Variants in PTPRD observed in about 807,000 individuals in gnomAD.
PTPRD encodes the protein protein tyrosine phosphatase receptor type D, also known as receptor-type tyrosine-protein phosphatase delta.
Under a neutral mutation model 214.5 loss-of-function variants are expected in PTPRD, and 34 were observed. The observed-to-expected ratio is 0.16, with a 90% CI of 0.12 to 0.21. The LOEUF (loss-of-function observed/expected upper bound fraction) is 0.21. PTPRD is among the 10% of genes least tolerant of loss of function. PTPRD has a pLI of 1.00. For synonymous variants in PTPRD, 1,128 were observed against 845.7 expected, an observed-to-expected ratio of 1.33 and a Z score of -5.79; for missense variants, 2,545 against 2,398.7, an observed-to-expected ratio of 1.06 and a Z score of -1.27.
intron 14 of PTPRD, among the ~76,000 whole-genome samples, chr9:8,626,359 T>C (rs944911915): frequency 3.9e-5 from 6 of 151,982 alleles, no homozygotes; most frequent in Admixed American, 2.0e-4. Context: ...TTCTCACTTA[T>C]TAGGTTTATC....
intron 4 of PTPRD, among the ~76,000 whole-genome samples, chr9:9,949,982 T>C (rs905302191): frequency 6.6e-6 from 1 of 152,230 alleles, no homozygotes; most frequent in Non-Finnish European, 1.5e-5. Context: ...TTTTTGTTTC[T>C]GCAACCAAGC....
At chr9:10,149,377 T>C (rs2099045196) in intron 3 of PTPRD, among the ~76,000 whole-genome samples, 1 of 152,238 alleles carries the variant, frequency 6.6e-6, no homozygotes, top group Admixed American at 6.5e-5. Context: ...AAAAAGTTTT[T>C]AAAACTTGAT....
At chr9:9,209,138 C>A (rs2099946939) in intron 9 of PTPRD, among the ~76,000 whole-genome samples, 2 of 152,072 alleles carry the variant, frequency 1.3e-5, no homozygotes, top group Admixed American at 1.3e-4. Context: ...AATATACTCC[C>A]ACCAATGATG....
intron 3 of PTPRD, among the ~76,000 whole-genome samples, chr9:10,314,028 G>C (rs1172157448): frequency 1.3e-5 from 2 of 151,908 alleles, no homozygotes; most frequent in Non-Finnish European, 2.9e-5. Flanking sequence ...TACAGGAGTG[G>C]TAACAGAAGC....
At chr9:10,230,838 T>C (rs1008828325) in intron 3 of PTPRD, among the ~76,000 whole-genome samples, 5 of 152,022 alleles carry the variant, frequency 3.3e-5, no homozygotes, top group African/African-American at 7.2e-5. Context: ...CTTATTTGCA[T>C]CGGTTGTGGA....
intron 12 of PTPRD, among the ~76,000 whole-genome samples, chr9:8,694,371 A>G (rs985367423): frequency 2.6e-4 from 40 of 152,296 alleles, no homozygotes; most frequent in African/African-American, 8.7e-4. Flanking sequence ...CTCTAACCCC[A>G]AAACAAATGC....
chr9:8,599,418 A>G (rs897594950), intron 14 of PTPRD, among the ~76,000 whole-genome samples: 1 of 152,182 alleles, frequency 6.6e-6, no homozygotes, highest in Admixed American at 6.5e-5. Context: ...TCATTGAAGC[A>G]TCAGTTACCT....
chr9:10,211,315 G>A (rs1423147482), intron 3 of PTPRD, among the ~76,000 whole-genome samples: 1 of 152,084 alleles, frequency 6.6e-6, no homozygotes, highest in African/African-American at 2.4e-5. Context: ...ATCTTCAAGG[G>A]CAAATGCGTC....
chr9:10,538,975 G>T (rs529893037), intron 2 of PTPRD, among the ~76,000 whole-genome samples: 2 of 152,072 alleles, frequency 1.3e-5, no homozygotes, highest in East Asian at 1.9e-4. Context: ...ACCAGCCTGT[G>T]CCTGGAGGAC....
chr9:9,329,645 A>G (rs547842400), intron 9 of PTPRD, among the ~76,000 whole-genome samples: 2 of 152,314 alleles, frequency 1.3e-5, no homozygotes, highest in East Asian at 1.9e-4. Flanking sequence ...GGAGGGAGCT[A>G]GAGAGAATAT....
At chr9:10,012,622 A>G (rs1042717666) in intron 4 of PTPRD, among the ~76,000 whole-genome samples, 1 of 151,934 alleles carries the variant, frequency 6.6e-6, no homozygotes, top group Non-Finnish European at 1.5e-5. Flanking sequence ...TTTACTCACT[A>G]TTTCGTTACC....
At chr9:10,408,524 T>C (rs143693810) in intron 2 of PTPRD, among the ~76,000 whole-genome samples, 124 of 151,808 alleles carry the variant, frequency 8.2e-4, no homozygotes, top group African/African-American at 2.8e-3. Flanking sequence ...AGAAAGCTGG[T>C]ATTTTTTAGG....
intron 8 of PTPRD, among the ~76,000 whole-genome samples, chr9:9,524,501 A>T (rs2073546168): frequency 1.3e-5 from 2 of 152,218 alleles, no homozygotes; most frequent in South Asian, 4.1e-4. Flanking sequence ...AAACTGTAGA[A>T]AAGTCCCATA....
intron 39 of PTPRD, among the ~76,000 whole-genome samples, chr9:8,361,736 G>C (rs2078542199): frequency 6.6e-6 from 1 of 152,188 alleles, no homozygotes; most frequent in Middle Eastern, 3.2e-3. Context: ...TGTGATGCGT[G>C]CTTGGGGGTT....
At chr9:9,978,755 A>T (rs931323356) in intron 4 of PTPRD, among the ~76,000 whole-genome samples, 5 of 152,038 alleles carry the variant, frequency 3.3e-5, no homozygotes, top group Non-Finnish European at 7.4e-5. Context: ...AAAAACCAAT[A>T]AGCAGAATAA....
Position 10,043,450 on chromosome 9 carries a change from G to T in PTPRD, c.-544-9660C>A, listed in dbSNP as rs183535254. ...AAAACAAAGGCTGGCTATTACTCCT[G>T]GTAAAGGAGTAAAATCCTATAGCTT... On this transcript the variant is annotated intron_variant, in intron 3 of 45. Coordinates refer to ENST00000381196, the MANE Select transcript of PTPRD (RefSeq NM_002839.4). 5.3e-5 allele frequency among the ~76,000 whole-genome samples: 8 copies of T among 151,798 alleles called. No homozygotes were observed. In the East Asian group the frequency reaches 1.6e-3, roughly 29 times the overall value.
At chr9:9,371,787 T>C (rs890955602) in intron 9 of PTPRD, among the ~76,000 whole-genome samples, 2 of 152,156 alleles carry the variant, frequency 1.3e-5, no homozygotes, top group African/African-American at 2.4e-5. Flanking sequence ...GCTTTGAATG[T>C]GTCCCAGAGA....
In PTPRD at chr9:9,981,786, A is replaced by G. The variant is rs563271220; in HGVS notation, c.-471-43176T>C. Among the ~76,000 whole-genome samples, 3 of 152,134 alleles carry G rather than the reference A, an allele frequency of 2.0e-5. No individual in the cohort carries two copies. In the South Asian group the frequency reaches 6.2e-4, roughly 32 times the overall value. Reference sequence around the variant, plus strand: ...AAAGGCGCTTTTTGACTCGTATCATACTCTATTTTCTTCATTTCCATAACA... The same window carrying G: ...AAAGGCGCTTTTTGACTCGTATCATGCTCTATTTTCTTCATTTCCATAACA... On this transcript the variant is annotated intron_variant, in intron 4 of 45. Coordinates refer to ENST00000381196, the MANE Select transcript of PTPRD (RefSeq NM_002839.4).
intron 11 of PTPRD, among the ~76,000 whole-genome samples, chr9:8,970,888 T>TACAAA (rs921366835): frequency 5.5e-5 from 8 of 146,060 alleles, no homozygotes; most frequent in African/African-American, 1.2e-4. Context: ...GTGTGCATTT[T>TACAAA]ACAAAACAAA....
Sources: gnomAD v4.1 joint callset for allele counts (sites outside exome capture counted in the v4.1 genomes callset) on GRCh38, gnomAD v4.1.1 for gene constraint, MANE v1.5 for transcripts, NCBI Gene and HGNC (gene_info 2026-07-23, HGNC 2026-07-21) for gene names.